EYS: variants seen among roughly 807,000 people sequenced by gnomAD.
The protein encoded by EYS is protein eyes shut homolog.
Under a neutral mutation model 282.1 loss-of-function variants are expected in EYS, and 250 were observed. The observed-to-expected ratio is 0.89, with a 90% confidence interval of 0.80 to 0.98. The LOEUF is 0.98. EYS is among the 50% of genes least tolerant of loss of function. EYS has a pLI of 0.00. For missense variants in EYS, 4,016 were observed against 3,709.0 expected (o/e 1.08, Z -2.15); for synonymous variants, 1,355 against 1,282.9 (o/e 1.06, Z -1.20).
chr6:65,504,127 T>C (rs553377920), intron 2 of EYS, among the ~76,000 whole-genome samples: 15 of 151,772 alleles, frequency 9.9e-5, no homozygotes, highest in African/African-American at 3.6e-4. Context: ...TTTAGGTTTT[T>C]ATCAGAGTTT....
At chr6:63,879,181 C>G (rs79430301) in intron 35 of EYS, among the ~76,000 whole-genome samples, 9,668 of 152,074 alleles carry the variant, frequency 0.064, 406 homozygotes, top group East Asian at 0.17. Flanking sequence ...ATTCTTGAAA[C>G]TGAAGAATAT....
At chr6:64,536,748 A>G (rs892999782) in intron 26 of EYS, among the ~76,000 whole-genome samples, 2 of 151,786 alleles carry the variant, frequency 1.3e-5, no homozygotes, top group Non-Finnish European at 2.9e-5. Context: ...CATTTGGCTT[A>G]TAATGTAAAT....
At chr6:64,927,873 A>T (rs1295710667) in intron 15 of EYS, among the ~76,000 whole-genome samples, 1 of 152,124 alleles carries the variant, frequency 6.6e-6, no homozygotes, top group Non-Finnish European at 1.5e-5. Flanking sequence ...TGCTGAAAAA[A>T]AGTATCGATG....
At chr6:65,231,813 G>T (rs1174847112) in intron 12 of EYS, among the ~76,000 whole-genome samples, 1 of 151,676 alleles carries the variant, frequency 6.6e-6, no homozygotes, top group African/African-American at 2.4e-5. Flanking sequence ...GCAGTCATAT[G>T]ATTTAAAAAC....
At chr6:63,739,129 C>G (rs1447849744) in intron 41 of EYS, among the ~76,000 whole-genome samples, 2 of 151,990 alleles carry the variant, frequency 1.3e-5, no homozygotes, top group Non-Finnish European at 2.9e-5. Context: ...GGATTGTAAT[C>G]TATTATCATA....
intron 26 of EYS, among the ~76,000 whole-genome samples, chr6:64,461,293 T>A (rs150452854): frequency 6.6e-6 from 1 of 152,246 alleles, no homozygotes; most frequent in South Asian, 2.1e-4. Flanking sequence ...CTCAATTATT[T>A]GCATTATATG....
chr6:64,466,971 A>G (rs78847907), intron 26 of EYS, among the ~76,000 whole-genome samples: 1,545 of 152,300 alleles, frequency 0.01, 32 homozygotes, highest in East Asian at 0.083. Context: ...GCGAGAAGAC[A>G]TTTGTATAAC....
chr6:64,279,566 C>T (rs964444480), intron 30 of EYS, among the ~76,000 whole-genome samples: 1 of 152,102 alleles, frequency 6.6e-6, no homozygotes, highest in African/African-American at 2.4e-5. Context: ...AGCTTCATTT[C>T]CTACGTCTTG....
intron 22 of EYS, among the ~76,000 whole-genome samples, chr6:64,664,494 G>C (rs1015716276): frequency 1.3e-5 from 2 of 152,172 alleles, no homozygotes; most frequent in African/African-American, 4.8e-5. Flanking sequence ...TCTGGAAAGA[G>C]GGGAAGTGGG....
At chr6:65,011,298 G>C (rs1385004772) in intron 13 of EYS, among the ~76,000 whole-genome samples, 1 of 152,178 alleles carries the variant, frequency 6.6e-6, no homozygotes, top group African/African-American at 2.4e-5. Flanking sequence ...GTCAGGGCCT[G>C]TGAGGTGTGC....
At position 64,295,490 on chromosome 6, in the gene EYS, GAAGAAGA is replaced by G. The variant is rs1182999291; in HGVS notation, c.6191+11473_6191+11479del. On this transcript the variant is annotated intron_variant, in intron 30 of 42. Coordinates refer to ENST00000503581, the MANE Select transcript of EYS (RefSeq NM_001142800.2). ...AGAAGAAGAAGAAGAAGAAGAAGAA[GAAGAAGA>G]AAGAAGAAAGAAGAAAGAAGAAAGA... is the stretch of plus-strand genomic sequence containing the variant. Among the ~76,000 whole-genome samples, 145 of 28,164 alleles carry G rather than the reference GAAGAAGA, an allele frequency of 5.1e-3. 40 individuals are homozygous for G. The highest frequency in any genetic ancestry group is 0.021 in the African/African-American group (72 of 3,408). The allele number at this position is 28,164 out of a possible 152,430, so 18.5% of individuals were successfully genotyped here.
At chr6:65,660,602 T>C (rs1767971268) in intron 1 of EYS, among the ~76,000 whole-genome samples, 1 of 151,790 alleles carries the variant, frequency 6.6e-6, no homozygotes. Flanking sequence ...TGTTCTTCTA[T>C]GGTAAGGGAA....
intron 22 of EYS, among the ~76,000 whole-genome samples, chr6:64,642,865 C>T (rs1026265315): frequency 6.6e-6 from 1 of 152,214 alleles, no homozygotes; most frequent in African/African-American, 2.4e-5. Context: ...CCTGTAATCC[C>T]AGCACTTTGG....
chr6:64,084,201 A>C (rs1772071967), intron 31 of EYS, among the ~76,000 whole-genome samples: 1 of 152,206 alleles, frequency 6.6e-6, no homozygotes, highest in Non-Finnish European at 1.5e-5. Context: ...AACCTTTGTC[A>C]ACTGCCACGC....
At chr6:64,585,091 G>T (rs1035692876) in intron 26 of EYS, among the ~76,000 whole-genome samples, 1 of 152,048 alleles carries the variant, frequency 6.6e-6, no homozygotes, top group African/African-American at 2.4e-5. Context: ...GTCAATGATG[G>T]ACTGTATAAA....
intron 2 of EYS, among the ~76,000 whole-genome samples, chr6:65,502,720 T>G (rs1202301228): frequency 2.0e-5 from 3 of 151,614 alleles, no homozygotes. Context: ...ACCTTGAGAT[T>G]TTTTTAGGAC....
intron 35 of EYS, among the ~76,000 whole-genome samples, chr6:63,975,080 A>C (rs1252309429): frequency 6.6e-6 from 1 of 151,648 alleles, no homozygotes; most frequent in African/African-American, 2.4e-5. Flanking sequence ...AAGACCTGGC[A>C]CTTGTAGAAT....
At chr6:64,211,092 G>A (rs76841079) in intron 31 of EYS, among the ~76,000 whole-genome samples, 3,889 of 152,182 alleles carry the variant, frequency 0.026, 79 homozygotes, top group South Asian at 0.069. Flanking sequence ...TCTTGGGGTC[G>A]TGAATGGCCT....
chr6:64,730,185 G>C (rs927918812), intron 22 of EYS, among the ~76,000 whole-genome samples: 1 of 152,166 alleles, frequency 6.6e-6, no homozygotes, highest in African/African-American at 2.4e-5. Context: ...AAATGCAAGG[G>C]AGGGACTTAT....
Sources: allele counts gnomAD v4.1 joint callset (sites outside exome capture counted in the v4.1 genomes callset), GRCh38; gene constraint gnomAD v4.1.1; transcripts MANE v1.5; gene names NCBI Gene and HGNC (gene_info 2026-07-23, HGNC 2026-07-21).